SCHIP1: variants seen among roughly 807,000 people sequenced by gnomAD.
SCHIP1 encodes schwannomin interacting protein 1, also known as schwannomin-interacting protein 1.
In SCHIP1, 8 loss-of-function variants were observed where a neutral mutation model predicts 29.7. That is an observed-to-expected ratio of 0.27 (90% CI 0.16 to 0.49). SCHIP1 has a LOEUF of 0.49. Among genes scored for constraint, SCHIP1 ranks in the 20% least tolerant of loss-of-function variants. The probability of loss-of-function intolerance (pLI) is 0.99; values close to 1 mark genes in which losing one functional copy is unlikely to be tolerated. For missense variants in SCHIP1, 193 were observed against 294.6 expected, an observed-to-expected ratio of 0.66 and a Z score of 2.52; for synonymous variants, 76 against 94.9, an observed-to-expected ratio of 0.80 and a Z score of 1.16.
At chr3:159,753,462 C>A in the SCHIP1 span, among the ~76,000 whole-genome samples, 1 of 152,220 alleles carries the variant, frequency 6.6e-6, no homozygotes. Flanking sequence ...AAAATTGGAA[C>A]CCATCAGTGA....
chr3:159,414,139 C>T, the SCHIP1 span, among the ~76,000 whole-genome samples: 13 of 152,256 alleles, frequency 8.5e-5, no homozygotes, highest in Admixed American at 2.0e-4. Context: ...ACTATTCTTG[C>T]ATCAGAAATG....
At chr3:159,558,179 A>G in the SCHIP1 span, among the ~76,000 whole-genome samples, 2 of 152,242 alleles carry the variant, frequency 1.3e-5, no homozygotes, top group Admixed American at 1.3e-4. Flanking sequence ...AACTCTTTCA[A>G]GAATAAAACT....
chr3:159,815,457 T>G, the SCHIP1 span, among the ~76,000 whole-genome samples: 8 of 152,174 alleles, frequency 5.3e-5, no homozygotes, highest in Non-Finnish European at 1.2e-4. Context: ...TTGGAACTTA[T>G]AGTTGACACC....
At chr3:159,772,606 G>A in the SCHIP1 span, among the ~76,000 whole-genome samples, 17 of 152,286 alleles carry the variant, frequency 1.1e-4, no homozygotes, top group African/African-American at 4.1e-4. Context: ...TGTATTTTGT[G>A]CCAGCCTTTC....
At chr3:159,376,352 C>T in the SCHIP1 span, among the ~76,000 whole-genome samples, 3 of 152,162 alleles carry the variant, frequency 2.0e-5, no homozygotes, top group Non-Finnish European at 4.4e-5. Flanking sequence ...CAGTTCTGCA[C>T]TGGAAGTTGG....
At chr3:159,605,604 A>G in the SCHIP1 span, among the ~76,000 whole-genome samples, 3 of 152,292 alleles carry the variant, frequency 2.0e-5, no homozygotes, top group African/African-American at 7.2e-5. Context: ...TAAAATTTTG[A>G]CATGTCAGTA....
At chr3:159,495,951 A>G in the SCHIP1 span, among the ~76,000 whole-genome samples, 5 of 152,334 alleles carry the variant, frequency 3.3e-5, no homozygotes, top group African/African-American at 4.8e-5. Flanking sequence ...ATAATGCCGC[A>G]TATCTACAAC....
At chr3:159,770,197 C>T in the SCHIP1 span, among the ~76,000 whole-genome samples, 1 of 152,294 alleles carries the variant, frequency 6.6e-6, no homozygotes, top group Admixed American at 6.5e-5. Flanking sequence ...TGTTGTTATA[C>T]ATGTGCATTG....
the SCHIP1 span, among the ~76,000 whole-genome samples, chr3:159,704,038 A>G: frequency 6.6e-6 from 1 of 152,208 alleles, no homozygotes; most frequent in Non-Finnish European, 1.5e-5. Context: ...TATTTTGTCC[A>G]CTACAGTTGA....
chr3:159,686,456 C>G, the SCHIP1 span, among the ~76,000 whole-genome samples: 1 of 152,052 alleles, frequency 6.6e-6, no homozygotes, highest in Admixed American at 6.6e-5. Flanking sequence ...TCAAAGATAG[C>G]CAAGCACACA....
At chr3:159,408,802 C>T in the SCHIP1 span, among the ~76,000 whole-genome samples, 4 of 152,134 alleles carry the variant, frequency 2.6e-5, no homozygotes, top group African/African-American at 7.2e-5. Flanking sequence ...TCAGTATTAT[C>T]CTGATACCAA....
intron 1 of SCHIP1, among the ~76,000 whole-genome samples, chr3:159,863,351 A>G (rs1409763366): frequency 1.3e-5 from 2 of 152,044 alleles, no homozygotes; most frequent in African/African-American, 2.4e-5. Flanking sequence ...CAAAAAAAAA[A>G]AGAGGCTAAC....
the SCHIP1 span, among the ~76,000 whole-genome samples, chr3:159,625,603 T>C: frequency 6.6e-6 from 1 of 152,110 alleles, no homozygotes; most frequent in African/African-American, 2.4e-5. Context: ...ACGTTAGTAG[T>C]TTGCAATCAG....
At chr3:159,443,185 T>A in the SCHIP1 span, among the ~76,000 whole-genome samples, 4 of 152,312 alleles carry the variant, frequency 2.6e-5, no homozygotes, top group Admixed American at 2.6e-4. Context: ...AAGAAGAGGA[T>A]GTTGGAAAAG....
the SCHIP1 span, among the ~76,000 whole-genome samples, chr3:159,293,637 T>C: frequency 2.0e-5 from 3 of 152,210 alleles, no homozygotes; most frequent in African/African-American, 4.8e-5. Flanking sequence ...AGGTGGTTAA[T>C]GCAAAAGGAA....
At chr3:159,572,326 GTT>G in the SCHIP1 span, among the ~76,000 whole-genome samples, 1 of 151,708 alleles carries the variant, frequency 6.6e-6, no homozygotes. Context: ...TTGTGTCTTT[GTT>G]CTCATTGGTT....
chr3:159,581,783 T>C, the SCHIP1 span, among the ~76,000 whole-genome samples: 1 of 152,214 alleles, frequency 6.6e-6, no homozygotes, highest in Non-Finnish European at 1.5e-5. Context: ...ATTGTGATAT[T>C]GGCAGAAGGG....
At chr3:159,828,443 A>ATATATACG in the SCHIP1 span, among the ~76,000 whole-genome samples, 9 of 100,486 alleles carry the variant, frequency 9.0e-5, no homozygotes, top group East Asian at 2.3e-3. Context: ...ATATATACGT[A>ATATATACG]TATATATACG....
the SCHIP1 span, among the ~76,000 whole-genome samples, chr3:159,281,332 C>A: frequency 2.0e-5 from 3 of 152,108 alleles, no homozygotes; most frequent in African/African-American, 7.2e-5. Context: ...CATAATTACA[C>A]CGAAATATTC....
Sources: gnomAD v4.1 joint callset for allele counts (sites outside exome capture counted in the v4.1 genomes callset) on GRCh38, gnomAD v4.1.1 for gene constraint, MANE v1.5 for transcripts, NCBI Gene and HGNC (gene_info 2026-07-23, HGNC 2026-07-21) for gene names.